C4orf51: variants seen among roughly 807,000 people sequenced by gnomAD.
C4orf51 encodes the protein uncharacterized protein C4orf51.
A neutral mutation model predicts 25.2 loss-of-function variants in C4orf51; 25 were observed. The observed-to-expected ratio is 0.99, with a 90% CI of 0.72 to 1.39. The LOEUF (loss-of-function observed/expected upper bound fraction) is 1.39. Ranked by LOEUF, C4orf51 falls within the 40% of genes most tolerant of loss-of-function variation. C4orf51 has a pLI of 0.00. For missense variants in C4orf51, 252 were observed against 239.6 expected, an observed-to-expected ratio of 1.05 and a Z score of -0.34; for synonymous variants, 100 against 84.5, an observed-to-expected ratio of 1.18 and a Z score of -1.01.
intron 2 of C4orf51, among the ~76,000 whole-genome samples, chr4:145,718,527 G>C (rs1347481205): frequency 6.6e-6 from 1 of 152,126 alleles, no homozygotes; most frequent in Non-Finnish European, 1.5e-5. Flanking sequence ...TCCAAGCCTT[G>C]AAAGACTTCA....
chr4:145,763,165 C>T lies in C4orf51; in HGVS notation n.167-7823C>T, dbSNP rs1322370869. On this transcript the variant is annotated intron_variant and non_coding_transcript_variant, in intron 1 of 1. Transcript: ENST00000510096. The surrounding 1 kb of genome is among the most constrained non-coding windows in gnomAD (Gnocchi z 4.6). ...TAATAGTATAATCTTATTTGATCTG[C>T]ATTATGAACAGGATATAGAGTACAA... is the stretch of plus-strand genomic sequence containing the variant. 4 of 1,529,120 alleles carry T rather than the reference C, an allele frequency of 2.6e-6. No individual in the cohort carries two copies. In the African/African-American group the frequency reaches 5.5e-5, roughly 21 times the overall value. 94.7% of individuals were successfully genotyped at this position (1,529,120 alleles called of 1,614,324 possible). A position where few individuals can be genotyped will look rare whatever the true frequency, so the allele number is the denominator to read the frequency against.
chr4:145,708,020 GC>G (rs1380501109), intron 2 of C4orf51, among the ~76,000 whole-genome samples: 1 of 152,216 alleles, frequency 6.6e-6, no homozygotes, highest in Non-Finnish European at 1.5e-5. Flanking sequence ...GAAGGGGCAA[GC>G]CATGGACATA....
chr4:145,768,060 T>C (rs948596772), intron 1 of C4orf51, among the ~76,000 whole-genome samples: 1 of 152,210 alleles, frequency 6.6e-6, no homozygotes, highest in East Asian at 1.9e-4. Flanking sequence ...ATGACAATAG[T>C]ATAAACGCTA....
chr4:145,790,500 A>C, the C4orf51 span, among the ~76,000 whole-genome samples: 1 of 152,214 alleles, frequency 6.6e-6, no homozygotes, highest in South Asian at 2.1e-4. Flanking sequence ...TGTGCTATGC[A>C]TCACACCTAT....
At chr4:145,689,306 A>C (rs1729378268) in intron 1 of C4orf51, among the ~76,000 whole-genome samples, 2 of 152,222 alleles carry the variant, frequency 1.3e-5, no homozygotes, top group African/African-American at 4.8e-5. Flanking sequence ...GTTCTATTCA[A>C]CTAAATACAA....
chr4:145,765,629 G>T lies in C4orf51; in HGVS notation n.167-5359G>T. 1 of 1,614,136 alleles carries T rather than the reference G, an allele frequency of 6.2e-7. No homozygotes were observed. The highest frequency in any genetic ancestry group is 8.5e-7 in the Non-Finnish European group (1 of 1,180,024). On this transcript the variant is annotated intron_variant and non_coding_transcript_variant, in intron 1 of 1. Transcript: ENST00000510096. The surrounding 1 kb of genome is among the most constrained non-coding windows in gnomAD (Gnocchi z 4.7). ...TGACCAGCAGATTGTTCCCGCCCTT[G>T]TTTTTCTGGGAGCCATCTGAATCAT...
At chr4:145,740,923 A>G (rs1188069578) in intron 1 of C4orf51, among the ~76,000 whole-genome samples, 1 of 152,136 alleles carries the variant, frequency 6.6e-6, no homozygotes, top group Non-Finnish European at 1.5e-5. Flanking sequence ...CTCCCATTCT[A>G]TCTGATGAGG....
chr4:145,773,950 C>G (rs977766127), downstream of C4orf51, among the ~76,000 whole-genome samples: 9 of 152,108 alleles, frequency 5.9e-5, no homozygotes, highest in African/African-American at 2.2e-4. Context: ...AGCAATGATA[C>G]AGAGAGCAAG....
downstream of C4orf51, among the ~76,000 whole-genome samples, chr4:145,755,770 G>A (rs1342571144): frequency 1.3e-5 from 2 of 152,200 alleles, no homozygotes; most frequent in Non-Finnish European, 2.9e-5. Context: ...CCCATTTTGT[G>A]TGGGACTCTT....
In C4orf51 at chr4:145,743,565, A is replaced by G. The variant is rs375928838; in HGVS notation, n.168-10642A>G. On this transcript the variant is annotated intron_variant and non_coding_transcript_variant, in intron 1 of 1. Transcript: ENST00000508981. The stretch of plus-strand genomic sequence containing the variant: ...CTCAACACAGCTACATTAGGGATTA[A>G]GTTTTCAACACATGAACTTTGGGAG... Among the ~76,000 whole-genome samples the G allele has an allele frequency of 6.6e-5, 10 of 152,376 alleles. 1 individual carries two copies. The highest frequency in any genetic ancestry group is 6.5e-5 in the Admixed American group (1 of 15,310).
rs941397402 is a variant in C4orf51 at position 145,762,861 on chromosome 4, C to G, written n.167-8127C>G. On this transcript the variant is annotated intron_variant and non_coding_transcript_variant, in intron 1 of 1. Transcript: ENST00000510096. This position sits in a 1 kb window ranked among gnomAD's most constrained non-coding sequence, Gnocchi z 4.9. ...AGATGCAAAAGTGGCTGCCTCAGCTCTTGCTTGGCTCCTGCAGGGCAGGGC... is the reference window on the plus strand; with the variant it reads ...AGATGCAAAAGTGGCTGCCTCAGCTGTTGCTTGGCTCCTGCAGGGCAGGGC... Among the ~76,000 whole-genome samples the G allele has an allele frequency of 6.6e-5, 10 of 152,238 alleles. No individual in the cohort carries two copies. The highest frequency in any genetic ancestry group is 2.2e-4 in the African/African-American group (9 of 41,458).
chr4:145,769,913 A>G (rs1399023626), intron 1 of C4orf51, among the ~76,000 whole-genome samples: 17 of 152,250 alleles, frequency 1.1e-4, no homozygotes, highest in Admixed American at 1.1e-3. Context: ...CTTCCTCAAT[A>G]CAGACACTGT....
intron 1 of C4orf51, among the ~76,000 whole-genome samples, chr4:145,770,594 T>C (rs1274002010): frequency 1.3e-5 from 2 of 151,676 alleles, no homozygotes; most frequent in African/African-American, 2.4e-5. Flanking sequence ...ACATACATAA[T>C]AAAATATAAT....
chr4:145,765,573 A>G lies in C4orf51; in HGVS notation n.167-5415A>G. On this transcript the variant is annotated intron_variant and non_coding_transcript_variant, in intron 1 of 1. Transcript: ENST00000510096. The surrounding 1 kb of genome is among the most constrained non-coding windows in gnomAD (Gnocchi z 4.7). ...TTTCTCTGGCTTTTCCTCACTGTTCAGTGAGGGCTGGCTCCCAGGCATGAC... is the reference window on the plus strand; with the variant it reads ...TTTCTCTGGCTTTTCCTCACTGTTCGGTGAGGGCTGGCTCCCAGGCATGAC... The G allele has an allele frequency of 6.2e-7, 1 of 1,613,618 alleles. No individual in the cohort carries two copies. The highest frequency in any genetic ancestry group is 8.5e-7 in the Non-Finnish European group (1 of 1,179,834).
At chr4:145,696,786 A>G (rs1217178892) in intron 2 of C4orf51, among the ~76,000 whole-genome samples, 154 bp downstream of exon 2, 1 of 152,138 alleles carries the variant, frequency 6.6e-6, no homozygotes, top group Non-Finnish European at 1.5e-5. Context: ...TACTCTCAGT[A>G]CTTCAGGAGG....
chr4:145,682,031 G>A (rs1402211007), intron 1 of C4orf51, among the ~76,000 whole-genome samples: 1 of 152,034 alleles, frequency 6.6e-6, no homozygotes, highest in Non-Finnish European at 1.5e-5. Context: ...TAGGAAAAAA[G>A]GTACTATATT....
Position 145,763,317 on chromosome 4 carries a change from C to G in C4orf51, n.167-7671C>G, listed in dbSNP as rs770599323. Among the ~76,000 whole-genome samples, 1 of 152,168 alleles carries G rather than the reference C, an allele frequency of 6.6e-6. No homozygotes were observed. The highest frequency in any genetic ancestry group is 1.5e-5 in the Non-Finnish European group (1 of 68,032). ...AAGTGCTAAGGGTTTTCCGTGCTCC[C>G]GTTATTTTCTTAAAGACACTCTCTC... On this transcript the variant is annotated intron_variant and non_coding_transcript_variant, in intron 1 of 1. Transcript: ENST00000510096. The surrounding 1 kb of genome is among the most constrained non-coding windows in gnomAD (Gnocchi z 4.6).
At chr4:145,723,002 G>A (rs996613379) in intron 2 of C4orf51, among the ~76,000 whole-genome samples, 5 of 151,980 alleles carry the variant, frequency 3.3e-5, no homozygotes, top group African/African-American at 4.8e-5. Flanking sequence ...TCTAAATTAC[G>A]GTGAGTTGTA....
chr4:145,729,457 A>G (rs560537419), intron 4 of C4orf51, among the ~76,000 whole-genome samples: 5 of 151,474 alleles, frequency 3.3e-5, no homozygotes, highest in South Asian at 4.2e-4. Flanking sequence ...GCCCGCCACC[A>G]CACCCGGCTA....
Sources: allele counts gnomAD v4.1 joint callset (sites outside exome capture counted in the v4.1 genomes callset), GRCh38; gene constraint gnomAD v4.1.1; non-coding constraint Gnocchi (gnomAD v3.1); transcripts MANE v1.5; gene names NCBI Gene and HGNC (gene_info 2026-07-23, HGNC 2026-07-21).